Variants in MCF2L2 observed in about 807,000 individuals in gnomAD.
The protein encoded by MCF2L2 is MCF.2 cell line derived transforming sequence-like 2, also known as probable guanine nucleotide exchange factor MCF2L2.
Under a neutral mutation model 150.2 loss-of-function variants are expected in MCF2L2, and 102 were observed. That is an observed-to-expected ratio of 0.68 (90% CI 0.58 to 0.80). The LOEUF is 0.80. Ranked by LOEUF, MCF2L2 falls within the 30% of genes least tolerant of loss-of-function variation. The probability of loss-of-function intolerance (pLI) is 0.00; values close to 1 mark genes in which losing one functional copy is unlikely to be tolerated. For missense variants in MCF2L2, 1,256 were observed against 1,372.8 expected (o/e 0.91, Z 1.34); for synonymous variants, 465 against 491.3 (o/e 0.95, Z 0.71).
chr3:183,223,983 T>C, intron 19 of MCF2L2, 115 bp downstream of exon 19: 1 of 793,546 alleles, frequency 1.3e-6, no homozygotes, highest in Non-Finnish European at 2.2e-6. Context: ...TGGGACACTT[T>C]AAATAAACAT....
intron 15 of MCF2L2, among the ~76,000 whole-genome samples, chr3:183,248,244 C>T (rs1328800042): frequency 6.6e-6 from 1 of 152,042 alleles, no homozygotes; most frequent in Non-Finnish European, 1.5e-5. Flanking sequence ...TTGGGCTTTA[C>T]AACTTTGGAC....
At chr3:183,230,620 A>C (rs966263796) in intron 16 of MCF2L2, among the ~76,000 whole-genome samples, 1 of 152,250 alleles carries the variant, frequency 6.6e-6, no homozygotes, top group Non-Finnish European at 1.5e-5. Context: ...CTTAAGAAAA[A>C]GACTACTTTA....
intron 25 of MCF2L2, among the ~76,000 whole-genome samples, chr3:183,205,666 A>C (rs1576920322): frequency 6.6e-6 from 1 of 152,210 alleles, no homozygotes; most frequent in African/African-American, 2.4e-5. Context: ...ACCAAAAGGG[A>C]CAAACCAACA....
chr3:183,316,309 T>G (rs201152457), intron 7 of MCF2L2, among the ~76,000 whole-genome samples: 4 of 151,682 alleles, frequency 2.6e-5, no homozygotes, highest in Admixed American at 6.6e-5. Context: ...ATTTTTTTTT[T>G]TTGTTTGTTT....
intron 23 of MCF2L2, among the ~76,000 whole-genome samples, chr3:183,206,737 G>A (rs960183071): frequency 2.0e-5 from 3 of 152,114 alleles, no homozygotes; most frequent in South Asian, 4.1e-4. Flanking sequence ...TGGGCATGCT[G>A]GTGCGTGCCT....
chr3:183,196,138 G>A (rs2108637750), intron 25 of MCF2L2, among the ~76,000 whole-genome samples: 1 of 152,222 alleles, frequency 6.6e-6, no homozygotes, highest in East Asian at 1.9e-4. Flanking sequence ...TTGTGCTGCT[G>A]TGTCTCACCC....
At chr3:183,296,741 A>G in intron 12 of MCF2L2, 1 of 483,830 alleles carries the variant, frequency 2.1e-6, no homozygotes. Context: ...ATGGTACATC[A>G]GGAATGCTCA....
chr3:183,207,677 G>C lies in MCF2L2; in HGVS notation c.2643C>G (p.Phe881Leu), dbSNP rs371031680. ...QIYLFERGIV[F>L]CKIRMEPGDQ... ...CCCCAGGCTCCATTCGTATCTTACA[G>C]AACACTATTCCCCTTTCAAATAGGT... Residue 881 changes from phenylalanine to leucine, a missense_variant, in exon 23 of 30, where the codon TTC becomes TTG. Phe to Leu is a conservative substitution (Grantham distance 22). Transcript: ENST00000328913. 6.2e-7 allele frequency: 1 copy of C among 1,614,082 alleles called. No homozygotes were observed. Among genetic ancestry groups the C allele is most frequent in the African/African-American group, 1.3e-5 (1 of 74,954 alleles).
chr3:183,321,450 A>AAAAAAG (rs1553780530), intron 6 of MCF2L2, among the ~76,000 whole-genome samples: 1 of 151,796 alleles, frequency 6.6e-6, no homozygotes, highest in African/African-American at 2.4e-5. Flanking sequence ...AAAAAAAAAA[A>AAAAAAG]AAAGAAAGAA....
Position 183,428,055 on chromosome 3 carries a change from C to T in MCF2L2, c.-78G>A, listed in dbSNP as rs1233401341. The T allele has an allele frequency of 2.9e-5, 32 of 1,093,136 alleles. No homozygotes were observed. The highest frequency in any genetic ancestry group is 1.9e-4 in the Admixed American group (11 of 58,680). The allele number at this position is 1,093,136 out of a possible 1,614,324, so 67.7% of individuals were successfully genotyped here. A position where few individuals can be genotyped will look rare whatever the true frequency, so the allele number is the denominator to read the frequency against. On this transcript the variant is annotated 5_prime_UTR_variant, in exon 1 of 30. An upstream start codon of the reference 5' UTR is lost. Coordinates refer to ENST00000328913, the MANE Select transcript of MCF2L2 (RefSeq NM_015078.4). The surrounding 1 kb of genome is among the most constrained non-coding windows in gnomAD (Gnocchi z 5.1). ...GCTGCGGTGGATGATTTTTTAAAGG[C>T]ATCTCCGCCCAAGGATGCTCTGCCC...
rs758933965 is a variant in MCF2L2 at position 183,318,165 on chromosome 3, G to A, written c.656C>T (p.Thr219Met). 3.7e-5 allele frequency: 60 copies of A among 1,614,076 alleles called. No homozygotes were observed. Among genetic ancestry groups the A allele is most frequent in the Middle Eastern group, 1.6e-4 (1 of 6,084 alleles). Reference protein sequence around the residue: ...TLKTTAQMLQTFGSCLATAEL... With the variant: ...TLKTTAQMLQMFGSCLATAEL... ...TGCTGTGGCCAGGCAGGACCCAAACGTCTGCAGCATCTGGGCAGTGGTCTT... is the reference window on the plus strand; with the variant it reads ...TGCTGTGGCCAGGCAGGACCCAAACATCTGCAGCATCTGGGCAGTGGTCTT... The change falls in exon 7 of 30, where the codon ACG becomes ATG. Residue 219 changes from threonine to methionine, a missense_variant. Thr to Met is a moderately conservative substitution (Grantham distance 81). Coordinates refer to ENST00000328913, the MANE Select transcript of MCF2L2 (RefSeq NM_015078.4).
chr3:183,313,749 G>A (rs1729482328), intron 7 of MCF2L2, among the ~76,000 whole-genome samples: 1 of 152,196 alleles, frequency 6.6e-6, no homozygotes, highest in African/African-American at 2.4e-5. Flanking sequence ...ATGTGTATAA[G>A]TTCATGCTCC....
chr3:183,322,766 C>T (rs1729865062), intron 6 of MCF2L2, among the ~76,000 whole-genome samples: 2 of 152,128 alleles, frequency 1.3e-5, no homozygotes, highest in Non-Finnish European at 2.9e-5. Flanking sequence ...AATAGTTCTA[C>T]AATCCTTGTC....
intron 26 of MCF2L2, 111 bp from the exon 27 acceptor site, chr3:183,193,207 T>G: frequency 1.2e-6 from 1 of 835,800 alleles, no homozygotes; most frequent in South Asian, 1.5e-5. Context: ...GGTCTAGGTC[T>G]CGAGGACCTG....
intron 20 of MCF2L2, among the ~76,000 whole-genome samples, 162 bp from the exon 21 acceptor site, chr3:183,220,086 A>T (rs41365048): frequency 1.3e-5 from 2 of 152,272 alleles, no homozygotes; most frequent in East Asian, 3.8e-4. Flanking sequence ...TGTATTTGGC[A>T]CAGGGTCCTT....
At chr3:183,366,145 A>C (rs946052785) in intron 3 of MCF2L2, among the ~76,000 whole-genome samples, 4 of 152,182 alleles carry the variant, frequency 2.6e-5, no homozygotes, top group Admixed American at 2.0e-4. Flanking sequence ...TGAAATTTCA[A>C]ACCTACAACA....
At chr3:183,203,748 C>T (rs1385101066) in intron 25 of MCF2L2, among the ~76,000 whole-genome samples, 1 of 152,012 alleles carries the variant, frequency 6.6e-6, no homozygotes, top group Admixed American at 6.6e-5. Context: ...CTATAAACTC[C>T]AAGAAATATA....
At chr3:183,391,501 C>A (rs1714149175) in intron 1 of MCF2L2, among the ~76,000 whole-genome samples, 2 of 152,082 alleles carry the variant, frequency 1.3e-5, no homozygotes, top group African/African-American at 4.8e-5. Flanking sequence ...AAAAAGGGGG[C>A]CTTCTCTGTT....
In MCF2L2 at chr3:183,227,866, G is replaced by A; in HGVS notation, c.2115+431C>T. 1 of 161,166 alleles carries A rather than the reference G, an allele frequency of 6.2e-6. No individual in the cohort carries two copies. Among genetic ancestry groups the A allele is most frequent in the Non-Finnish European group, 1.4e-5 (1 of 73,164 alleles). The allele number at this position is 161,166 out of a possible 1,614,324, so 10.0% of individuals were successfully genotyped here. The stretch of plus-strand genomic sequence containing the variant: ...TACAGTACAGTATTATTCCATGATA[G>A]TCGCCATGCTGTGCGTTACATCTCC... On this transcript the variant is annotated intron_variant, in intron 18 of 29. Coordinates refer to ENST00000328913, the MANE Select transcript of MCF2L2 (RefSeq NM_015078.4). The surrounding 1 kb of genome is among the most constrained non-coding windows in gnomAD (Gnocchi z 4.0).
Sources: allele counts gnomAD v4.1 joint callset (sites outside exome capture counted in the v4.1 genomes callset), GRCh38; gene constraint gnomAD v4.1.1; non-coding constraint Gnocchi (gnomAD v3.1); transcripts MANE v1.5; gene names NCBI Gene and HGNC (gene_info 2026-07-23, HGNC 2026-07-21).